The following FIG4 variants were observed in gnomAD, a reference collection of about 807,000 sequenced individuals.
The protein encoded by FIG4 is FIG4 phosphoinositide 5-phosphatase.
In FIG4, 112 loss-of-function variants were observed where a neutral mutation model predicts 118.6. The ratio of observed to expected loss-of-function variants is 0.94; its 90% CI spans 0.81 to 1.11. The LOEUF (loss-of-function observed/expected upper bound fraction) is 1.11, where lower values mean the gene tolerates loss of function less well. Ranked by LOEUF, FIG4 falls within the 50% of genes least tolerant of loss-of-function variation. The pLI is 0.00. For missense variants in FIG4, 969 were observed against 1,111.7 expected (o/e 0.87, Z 1.83); for synonymous variants, 369 against 381.2 (o/e 0.97, Z 0.37).
At chr6:109,808,571 G>A (rs1778636099) in intron 22 of FIG4, among the ~76,000 whole-genome samples, 1 of 152,088 alleles carries the variant, frequency 6.6e-6, no homozygotes, top group African/African-American at 2.4e-5. Flanking sequence ...GACTTGTGTG[G>A]TGATTGTCTA....
intron 10 of FIG4, among the ~76,000 whole-genome samples, chr6:109,757,759 G>A (rs932483005): frequency 1.3e-5 from 2 of 152,168 alleles, no homozygotes; most frequent in Non-Finnish European, 2.9e-5. Flanking sequence ...AGCAACTTCA[G>A]CAAAGTCTCA....
At chr6:109,805,331 T>A (rs1458581235) in intron 22 of FIG4, among the ~76,000 whole-genome samples, 1 of 152,214 alleles carries the variant, frequency 6.6e-6, no homozygotes, top group African/African-American at 2.4e-5. Flanking sequence ...AGAAGAACCA[T>A]GATTTCCTGA....
intron 22 of FIG4, among the ~76,000 whole-genome samples, chr6:109,799,681 C>A (rs1189854044): frequency 6.6e-6 from 1 of 151,964 alleles, no homozygotes; most frequent in Non-Finnish European, 1.5e-5. Flanking sequence ...TTTATAACAC[C>A]AAATGTAAAA....
intron 7 of FIG4, 40 bp from the exon 8 acceptor site, chr6:109,741,404 A>G: frequency 8.2e-7 from 1 of 1,216,166 alleles, no homozygotes; most frequent in South Asian, 1.2e-5. Context: ...GTCTTATGTG[A>G]CAGTCATGAA....
At chr6:109,806,169 C>A (rs1236236668) in intron 22 of FIG4, among the ~76,000 whole-genome samples, 2 of 152,082 alleles carry the variant, frequency 1.3e-5, no homozygotes, top group African/African-American at 2.4e-5. Context: ...TAGACTTTGT[C>A]ATGCTATAAC....
At chr6:109,705,363 C>T (rs1019816914) in intron 1 of FIG4, among the ~76,000 whole-genome samples, 5 of 152,122 alleles carry the variant, frequency 3.3e-5, no homozygotes, top group African/African-American at 9.7e-5. Flanking sequence ...GCAGTGATTC[C>T]GCGGTCTACA....
chr6:109,742,517 A>G (rs1447415067), intron 8 of FIG4, among the ~76,000 whole-genome samples: 1 of 152,124 alleles, frequency 6.6e-6, no homozygotes, highest in African/African-American at 2.4e-5. Context: ...TTAAAATTAT[A>G]TCAACAGTGA....
At chr6:109,791,262 TCA>T in intron 19 of FIG4, 112 bp from the exon 20 acceptor site, 1 of 881,240 alleles carries the variant, frequency 1.1e-6, no homozygotes, top group East Asian at 2.4e-5. Flanking sequence ...GAAACTAGTG[TCA>T]CAGTCATTTT....
chr6:109,747,242 G>C (rs1583676235), intron 10 of FIG4, among the ~76,000 whole-genome samples: 1 of 152,072 alleles, frequency 6.6e-6, no homozygotes, highest in East Asian at 1.9e-4. Context: ...ACATTTGAAG[G>C]CATGGGCATG....
intron 3 of FIG4, 138 bp from the exon 4 acceptor site, chr6:109,726,971 C>A (rs1240058711): frequency 2.8e-6 from 2 of 709,120 alleles, no homozygotes; most frequent in Non-Finnish European, 4.9e-6. Flanking sequence ...TCCTAAGACA[C>A]CTGAAAATTT....
intron 1 of FIG4, among the ~76,000 whole-genome samples, chr6:109,706,384 G>A (rs1419630678): frequency 6.6e-6 from 1 of 152,160 alleles, no homozygotes; most frequent in East Asian, 1.9e-4. Context: ...ACCATCCCCA[G>A]ATAAGTCAAA....
chr6:109,806,096 A>G (rs540807740), intron 22 of FIG4, among the ~76,000 whole-genome samples: 10 of 152,286 alleles, frequency 6.6e-5, no homozygotes, highest in African/African-American at 2.4e-4. Context: ...TTATCTGTTC[A>G]TTATTATTCC....
chr6:109,691,922 A>G (rs1455106183), intron 1 of FIG4, among the ~76,000 whole-genome samples: 2 of 152,216 alleles, frequency 1.3e-5, no homozygotes, highest in African/African-American at 2.4e-5. Flanking sequence ...TTCCTATTCC[A>G]TGGTATACCA....
chr6:109,712,152 A>G (rs1583638144), intron 1 of FIG4, among the ~76,000 whole-genome samples: 3 of 152,154 alleles, frequency 2.0e-5, no homozygotes, highest in Non-Finnish European at 2.9e-5. Context: ...TTCCCTTTGT[A>G]GGTGACCTGA....
intron 1 of FIG4, among the ~76,000 whole-genome samples, chr6:109,697,098 TA>T (rs1774746334): frequency 6.6e-6 from 1 of 151,894 alleles, no homozygotes; most frequent in Non-Finnish European, 1.5e-5. Context: ...CCGTCTCTAC[TA>T]AAAATACAAA....
intron 22 of FIG4, among the ~76,000 whole-genome samples, chr6:109,797,828 G>A (rs1018722144): frequency 5.3e-5 from 8 of 151,178 alleles, no homozygotes; most frequent in African/African-American, 2.0e-4. Flanking sequence ...CTCGGGAGGC[G>A]GAGGTTGCAG....
At chr6:109,783,552 G>A (rs1777869303) in intron 16 of FIG4, among the ~76,000 whole-genome samples, 1 of 152,318 alleles carries the variant, frequency 6.6e-6, no homozygotes, top group Admixed American at 6.5e-5. Context: ...TACTTTCTCT[G>A]TCATTGCTTT....
At chr6:109,694,547 A>G (rs924674304) in intron 1 of FIG4, among the ~76,000 whole-genome samples, 3 of 152,242 alleles carry the variant, frequency 2.0e-5, no homozygotes, top group African/African-American at 7.2e-5. Flanking sequence ...TATGAGTAAG[A>G]CTTTAAAAGC....
At chr6:109,768,713 A>G (rs1474219089) in intron 15 of FIG4, among the ~76,000 whole-genome samples, 1 of 152,140 alleles carries the variant, frequency 6.6e-6, no homozygotes, top group African/African-American at 2.4e-5. Flanking sequence ...AATGTAATGT[A>G]ATAATGGGAG....
Sources: gnomAD v4.1 joint callset for allele counts (sites outside exome capture counted in the v4.1 genomes callset) on GRCh38, gnomAD v4.1.1 for gene constraint, MANE v1.5 for transcripts, NCBI Gene and HGNC (gene_info 2026-07-23, HGNC 2026-07-21) for gene names.